Variants in TENM2 observed in about 807,000 individuals in gnomAD.
The protein encoded by TENM2 is teneurin transmembrane protein 2.
A neutral mutation model predicts 245.2 loss-of-function variants in TENM2; 52 were observed. That is an observed-to-expected ratio of 0.21 (90% confidence interval 0.17 to 0.27). TENM2 has a LOEUF of 0.27. Ranked by LOEUF, TENM2 falls within the 10% of genes least tolerant of loss-of-function variation. The probability of loss-of-function intolerance (pLI) is 1.00; values close to 1 mark genes in which losing one functional copy is unlikely to be tolerated. For missense variants in TENM2, 3,046 were observed against 3,666.8 expected, an observed-to-expected ratio of 0.83 and a Z score of 4.37; for synonymous variants, 1,363 against 1,438.9, an observed-to-expected ratio of 0.95 and a Z score of 1.19.
intron 1 of TENM2, among the ~76,000 whole-genome samples, chr5:167,320,036 C>A (rs1756617428): frequency 6.6e-6 from 1 of 152,160 alleles, no homozygotes; most frequent in African/African-American, 2.4e-5. Flanking sequence ...AGGCTAAGAA[C>A]TTTGCTTATG....
intron 2 of TENM2, among the ~76,000 whole-genome samples, chr5:167,431,938 TAC>T (rs1394529634): frequency 7.0e-5 from 6 of 85,936 alleles, no homozygotes; most frequent in Admixed American, 1.4e-4. Context: ...CATATATATA[TAC>T]ATATATATGT....
intron 2 of TENM2, among the ~76,000 whole-genome samples, chr5:167,542,730 G>GT (rs953846760): frequency 1.4e-4 from 21 of 151,608 alleles, no homozygotes; most frequent in African/African-American, 1.9e-4. Context: ...GTATTTTCTG[G>GT]TTTTTTTTCT....
At chr5:167,951,788 GATATATATGTGT>G (rs1488161994) in intron 3 of TENM2, among the ~76,000 whole-genome samples, 1 of 151,970 alleles carries the variant, frequency 6.6e-6, no homozygotes, top group Non-Finnish European at 1.5e-5. Context: ...TTTTAAAATA[GATATATATGTGT>G]ATATTACACA....
intron 3 of TENM2, among the ~76,000 whole-genome samples, chr5:167,927,164 A>G (rs1266023195): frequency 1.3e-5 from 2 of 152,026 alleles, no homozygotes; most frequent in African/African-American, 2.4e-5. Flanking sequence ...ATTTACTTTG[A>G]TTTTTGTTTT....
intron 12 of TENM2, 118 bp downstream of exon 14, chr5:168,127,084 TC>T: frequency 1.1e-6 from 1 of 871,368 alleles, no homozygotes; most frequent in Non-Finnish European, 1.8e-6. Flanking sequence ...CCTCCAAATC[TC>T]CCAGGGGATA....
chr5:167,571,999 A>G (rs1419355493), intron 2 of TENM2, among the ~76,000 whole-genome samples: 1 of 152,126 alleles, frequency 6.6e-6, no homozygotes, highest in African/African-American at 2.4e-5. Context: ...TCCCTTCTAC[A>G]TCTGAGCACT....
chr5:167,759,563 G>A (rs933780190), intron 2 of TENM2, among the ~76,000 whole-genome samples: 1 of 152,136 alleles, frequency 6.6e-6, no homozygotes, highest in African/African-American at 2.4e-5. Flanking sequence ...CAGGTAAGTG[G>A]GGGTATATAT....
intron 2 of TENM2, among the ~76,000 whole-genome samples, chr5:167,562,397 G>T (rs1773650919): frequency 6.6e-6 from 1 of 152,082 alleles, no homozygotes; most frequent in Admixed American, 6.6e-5. Context: ...AGAACAATGG[G>T]GAGAATGAGG....
intron 14 of TENM2, 35 bp downstream of exon 16, chr5:168,190,582 C>A: frequency 6.4e-7 from 1 of 1,573,878 alleles, no homozygotes; most frequent in South Asian, 1.1e-5. Context: ...CTCCTGAAGT[C>A]TCTGATTTTC....
chr5:167,011,271 C>T, the TENM2 span, among the ~76,000 whole-genome samples: 1 of 152,150 alleles, frequency 6.6e-6, no homozygotes, highest in Non-Finnish European at 1.5e-5. Context: ...AATCCATAAA[C>T]GTCTAAGTAA....
At chr5:167,433,130 G>A (rs200467455) in intron 2 of TENM2, among the ~76,000 whole-genome samples, 1 of 146,464 alleles carries the variant, frequency 6.8e-6, no homozygotes, top group Non-Finnish European at 1.5e-5. Flanking sequence ...TTTTTTTTTA[G>A]TAACAGACAC....
chr5:167,699,266 G>A (rs1027687464), intron 2 of TENM2, among the ~76,000 whole-genome samples: 2 of 151,944 alleles, frequency 1.3e-5, no homozygotes, highest in African/African-American at 2.4e-5. Context: ...AGAATGCTGC[G>A]TTAAGTAGTA....
At chr5:167,108,385 C>T in the TENM2 span, among the ~76,000 whole-genome samples, 4 of 152,160 alleles carry the variant, frequency 2.6e-5, no homozygotes, top group Non-Finnish European at 5.9e-5. Context: ...CTTGGCCTCC[C>T]AAAGTGCTAG....
intron 2 of TENM2, among the ~76,000 whole-genome samples, chr5:167,708,724 C>A (rs899310392): frequency 7.9e-5 from 12 of 152,288 alleles, no homozygotes; most frequent in Admixed American, 4.6e-4. Flanking sequence ...TGCCAACCTG[C>A]ATTGTCATAC....
chr5:167,902,538 C>G (rs557142561), intron 3 of TENM2, among the ~76,000 whole-genome samples: 34 of 152,202 alleles, frequency 2.2e-4, no homozygotes, highest in Admixed American at 8.5e-4. Context: ...TGGGGCTGCC[C>G]CAGCCTAAGA....
chr5:167,644,647 CTG>C (rs1779815046), intron 2 of TENM2, among the ~76,000 whole-genome samples: 1 of 152,172 alleles, frequency 6.6e-6, no homozygotes, highest in African/African-American at 2.4e-5. Context: ...GATGAACAAA[CTG>C]AGGCTCAAAG....
At chr5:167,488,344 G>A (rs1768214636) in intron 2 of TENM2, among the ~76,000 whole-genome samples, 1 of 151,958 alleles carries the variant, frequency 6.6e-6, no homozygotes, top group South Asian at 2.1e-4. Context: ...TAAAGCTTTA[G>A]AACCCACCCT....
chr5:168,080,159 G>A (rs1322324962), intron 7 of TENM2, among the ~76,000 whole-genome samples: 1 of 152,168 alleles, frequency 6.6e-6, no homozygotes, highest in Non-Finnish European at 1.5e-5. Flanking sequence ...TTAGTCTTGG[G>A]AGGGTGTGTG....
chr5:167,396,793 A>C (rs530987165), intron 2 of TENM2, among the ~76,000 whole-genome samples: 1 of 152,294 alleles, frequency 6.6e-6, no homozygotes, highest in African/African-American at 2.4e-5. Flanking sequence ...AGTGATTGAC[A>C]TACAGAGGGA....
Sources: gnomAD v4.1 joint callset for allele counts (sites outside exome capture counted in the v4.1 genomes callset) on GRCh38, gnomAD v4.1.1 for gene constraint, MANE v1.5 for transcripts, NCBI Gene and HGNC (gene_info 2026-07-23, HGNC 2026-07-21) for gene names.